KIF23: variants seen among roughly 807,000 people sequenced by gnomAD.
The protein encoded by KIF23 is kinesin-like protein KIF23.
In KIF23, 30 loss-of-function variants were observed where a neutral mutation model predicts 137.5. The observed-to-expected ratio is 0.22, with a 90% CI of 0.16 to 0.30. The LOEUF is 0.30. Ranked by LOEUF, KIF23 falls within the 10% of genes least tolerant of loss-of-function variation. The pLI is 1.00. For synonymous variants in KIF23, 367 were observed against 391.1 expected (o/e 0.94, Z 0.73); for missense variants, 920 against 1,194.3 (o/e 0.77, Z 3.38).
chr15:69,417,654 G>A, intron 3 of KIF23, 143 bp downstream of exon 3: 2 of 909,726 alleles, frequency 2.2e-6, no homozygotes, highest in Non-Finnish European at 1.6e-6. Flanking sequence ...TGTATCTAAA[G>A]TGTTTTTGAC....
intron 3 of KIF23, 148 bp from the exon 4 acceptor site, chr15:69,421,498 TA>T (rs2057055014): frequency 1.8e-6 from 1 of 547,848 alleles, no homozygotes; most frequent in South Asian, 2.9e-5. Context: ...ACTAAATAAC[TA>T]AGGGTTCCAA....
intron 11 of KIF23, chr15:69,434,692 G>A: frequency 6.8e-7 from 1 of 1,468,722 alleles, no homozygotes. Context: ...TTGACCTTGA[G>A]CCAGAGCCTC....
chr15:69,417,401 C>T lies in KIF23; in HGVS notation c.100C>T (p.Pro34Ser). The T allele has an allele frequency of 6.2e-7, 1 of 1,610,984 alleles. No homozygotes were observed. The highest frequency in any genetic ancestry group is 1.7e-5 in the Admixed American group (1 of 59,426). Residue 34 changes from proline (P) to serine (S), a missense_variant, in exon 3 of 24, where the codon CCA (proline) becomes TCA (serine). Physicochemically the swap from Pro to Ser is moderately conservative, Grantham distance 74. Around this residue, in one of 4 missense-constraint regions of KIF23, gnomAD observed 124 missense variants for 122.0 expected, o/e 1.02. Coordinates refer to ENST00000679126, the MANE Select transcript of KIF23 (RefSeq NM_001367805.3). ...DPVGVYCRVRPLGFPDQECCI... is the reference protein window; with the variant it reads ...DPVGVYCRVRSLGFPDQECCI... Reference sequence around the variant, plus strand: ...TCTTCAGGTATACTGTAGGGTGCGCCCACTGGGCTTTCCTGATCAAGAGTG... The same window carrying T: ...TCTTCAGGTATACTGTAGGGTGCGCTCACTGGGCTTTCCTGATCAAGAGTG...
chr15:69,439,826 C>A, intron 16 of KIF23, 78 bp from the exon 17 acceptor site: 1 of 1,110,584 alleles, frequency 9.0e-7, no homozygotes, highest in Non-Finnish European at 1.2e-6. Flanking sequence ...CTTGCATAAG[C>A]AAATTAAGGA....
rs1042610514 is a variant in KIF23 at position 69,444,894 on chromosome 15, G to A, written c.2526G>A (p.Met842Ile). 2 of 1,614,018 alleles carry A rather than the reference G, an allele frequency of 1.2e-6. No homozygotes were observed. The highest frequency in any genetic ancestry group is 1.7e-5 in the Admixed American group (1 of 59,994). ...RWVDHKPASN[M>I]QTETVMQPHV... ...TAGATCATAAGCCCGCCTCTAACATGCAAACTGAAACAGTCATGCAGCCAC... is the reference window on the plus strand; with the variant it reads ...TAGATCATAAGCCCGCCTCTAACATACAAACTGAAACAGTCATGCAGCCAC... The change falls in exon 20 of 24, where the codon ATG becomes ATA. Residue 842 changes from methionine (M) to isoleucine (I), a missense_variant. Physicochemically the swap from Met to Ile is conservative, Grantham distance 10. Transcript: ENST00000679126. The surrounding 1 kb of genome is among the most constrained non-coding windows in gnomAD (Gnocchi z 4.2).
At position 69,434,954 on chromosome 15, in the gene KIF23, C is replaced by T. The variant is rs111566235; in HGVS notation, c.1115-529C>T. The stretch of plus-strand genomic sequence containing the variant: ...AGCTGTACGCGGGCATGAGGATGGG[C>T]GAGCCCTCAGGTGTGTAGGCCGTGG... On this transcript the variant is annotated intron_variant, in intron 11 of 23. Transcript: ENST00000679126. 667 of 649,876 alleles carry T rather than the reference C, an allele frequency of 1.0e-3. 7 individuals carry two copies. The highest frequency in any genetic ancestry group is 5.8e-3 in the South Asian group (304 of 52,236). 40.3% of individuals were successfully genotyped at this position (649,876 alleles called of 1,614,324 possible).
At position 69,438,383 on chromosome 15, in the gene KIF23, A is replaced by G. The variant is rs2057532222; in HGVS notation, c.1733A>G (p.Lys578Arg). The G allele has an allele frequency of 6.2e-7, 1 of 1,607,088 alleles. No homozygotes were observed. The highest frequency in any genetic ancestry group is 1.1e-5 in the South Asian group (1 of 89,562). Residue 578 changes from lysine (K) to arginine (R), a missense_variant, in exon 16 of 24, where the codon AAA becomes AGA. Lys to Arg is a conservative substitution (Grantham distance 26, BLOSUM62 2). Coordinates refer to ENST00000679126, the MANE Select transcript of KIF23 (RefSeq NM_001367805.3). ...TTGGAAATAGAACGACTGGAAAAGA[A>G]AAACAAAACTTTAGAATATAAGGTT... is the stretch of plus-strand genomic sequence containing the variant. ...QKLEIERLEKKNKTLEYKIEI... is the reference protein window; with the variant it reads ...QKLEIERLEKRNKTLEYKIEI...
intron 14 of KIF23, 81 bp from the exon 15 acceptor site, chr15:69,436,483 G>A (rs982816902): frequency 7.8e-7 from 1 of 1,274,374 alleles, no homozygotes; most frequent in South Asian, 1.5e-5. Context: ...TTGCACTGGG[G>A]CTGTATGCAG....
At chr15:69,426,043 G>T in intron 8 of KIF23, 27 bp from the exon 9 acceptor site, 1 of 1,425,314 alleles carries the variant, frequency 7.0e-7, no homozygotes, top group South Asian at 1.4e-5. Context: ...TAATTTAGGA[G>T]ACTAATCTTT....
rs185945069 is a variant in KIF23, at chr15:69,419,074, G to A, written c.210+1563G>A. 1.9e-4 allele frequency among the ~76,000 whole-genome samples: 29 copies of A among 152,242 alleles called. No homozygotes were observed. The East Asian group carries it at 5.2e-3, about 27-fold the overall frequency. ...GGAGGTTGCAGTGAGCCGAGATCGC[G>A]CCATTGCACTCCAGCTTGGGCAACA... On this transcript the variant is annotated intron_variant, in intron 3 of 23. Transcript: ENST00000679126.
Position 69,440,808 on chromosome 15 carries a change from A to G in KIF23, c.2150A>G (p.Gln717Arg). The change falls in exon 19 of 24, where the codon CAA becomes CGA. Residue 717 changes from glutamine to arginine, a missense_variant. By Grantham distance (43) the Gln-to-Arg change is conservative. This residue lies in a region of KIF23 where 714 missense variants were observed against 866.2 expected (regional missense o/e 0.82). Transcript: ENST00000679126. Reference protein sequence around the residue: ...NYIAQISNGQQLMSQPQLHRR... With the variant: ...NYIAQISNGQRLMSQPQLHRR... Reference sequence around the variant, plus strand: ...ATTGCTCAGATTTCCAACGGCCAGCAACTCATGAGCCAGCCACAGCTACAT... The same window carrying G: ...ATTGCTCAGATTTCCAACGGCCAGCGACTCATGAGCCAGCCACAGCTACAT... 2 of 1,612,858 alleles carry G rather than the reference A, an allele frequency of 1.2e-6. No individual in the cohort carries two copies. The highest frequency in any genetic ancestry group is 1.7e-6 in the Non-Finnish European group (2 of 1,179,974).
intron 6 of KIF23, 75 bp from the exon 7 acceptor site, chr15:69,423,084 C>A: frequency 1.0e-6 from 1 of 982,516 alleles, no homozygotes; most frequent in Non-Finnish European, 1.6e-6. Context: ...TAGCTGTGAG[C>A]CACCATGCCC....
intron 3 of KIF23, among the ~76,000 whole-genome samples, chr15:69,419,563 G>T (rs919512138): frequency 3.9e-5 from 6 of 152,074 alleles, no homozygotes; most frequent in African/African-American, 1.4e-4. Flanking sequence ...ACCTCCTCGG[G>T]TTGTATAGAC....
intron 11 of KIF23, chr15:69,435,155 G>A (rs2057448047): frequency 2.2e-6 from 1 of 458,166 alleles, no homozygotes; most frequent in Non-Finnish European, 3.8e-6. Context: ...TTAATATGAG[G>A]ATATTAAACA....
chr15:69,435,734 G>C lies in KIF23; in HGVS notation c.1277G>C (p.Cys426Ser). 1 of 1,614,216 alleles carries C rather than the reference G, an allele frequency of 6.2e-7. No individual in the cohort carries two copies. The highest frequency in any genetic ancestry group is 8.5e-7 in the Non-Finnish European group (1 of 1,180,038). ...GAAGGAAAAGTGCGGATGATCGTGT[G>C]TGTGAACCCCAAGGCTGAAGATTAT... The part of the protein sequence containing the change: ...DGEGKVRMIV[C>S]VNPKAEDYEE... The change falls in exon 13 of 24, where the codon TGT becomes TCT. Residue 426 changes from cysteine to serine, a missense_variant. Transcript: ENST00000679126.
chr15:69,429,203 A>C lies in KIF23; in HGVS notation c.1104A>C (p.Leu368Phe). ...TNRTRAEGNR[L>F]REAGNINQSL... ...GGACCAGAGCAGAAGGGAACAGATT[A>C]CGTGAAGCTGGTGAGTAAAGCATGG... Residue 368 changes from leucine (L) to phenylalanine (F), a missense_variant, in exon 11 of 24, where the codon TTA becomes TTC. Coordinates refer to ENST00000679126, the MANE Select transcript of KIF23 (RefSeq NM_001367805.3). The C allele has an allele frequency of 6.2e-7, 1 of 1,609,660 alleles. No individual in the cohort carries two copies. The highest frequency in any genetic ancestry group is 8.5e-7 in the Non-Finnish European group (1 of 1,177,014).
intron 22 of KIF23, chr15:69,446,629 C>A (rs530289250): frequency 3.2e-6 from 2 of 616,796 alleles, no homozygotes; most frequent in Admixed American, 2.8e-5. Context: ...GCCACCAACT[C>A]TCTTTGCAAA....
Position 69,436,154 on chromosome 15 carries a change from C to T in KIF23, c.1331C>T (p.Ala444Val), listed in dbSNP as rs372578227. Reference protein sequence around the residue: ...YEENLQVMRFAEVTQEVEVAR... With the variant: ...YEENLQVMRFVEVTQEVEVAR... Reference sequence around the variant, plus strand: ...GTGTTTTAGCAAGTCATGAGATTTGCGGAAGTGACTCAAGAAGTTGAAGTA... The same window carrying T: ...GTGTTTTAGCAAGTCATGAGATTTGTGGAAGTGACTCAAGAAGTTGAAGTA... The change falls in exon 14 of 24, where the codon GCG becomes GTG. Residue 444 changes from alanine (A) to valine (V), a missense_variant. Ala to Val is a moderately conservative substitution (Grantham distance 64). Transcript: ENST00000679126. The T allele has an allele frequency of 7.4e-6, 12 of 1,612,786 alleles. No individual in the cohort carries two copies. Among genetic ancestry groups the T allele is most frequent in the South Asian group, 3.3e-5 (3 of 90,928 alleles).
rs1163774497 is a variant in KIF23, at chr15:69,444,669, T to A, written c.2422-121T>A. The A allele has an allele frequency of 2.1e-6, 2 of 971,312 alleles. No homozygotes were observed. The highest frequency in any genetic ancestry group is 5.2e-5 in the East Asian group (2 of 38,282). The allele number at this position is 971,312 out of a possible 1,614,324, so 60.2% of individuals were successfully genotyped here. On this transcript the variant is annotated intron_variant, in intron 19 of 23. Coordinates refer to ENST00000679126, the MANE Select transcript of KIF23 (RefSeq NM_001367805.3). The surrounding 1 kb of genome is among the most constrained non-coding windows in gnomAD (Gnocchi z 4.2). ...AATGCAAAGATCATGTTTAAATTAC[T>A]TGAATAAAATATTTAGCTTTGGAAA...
Sources: gnomAD v4.1 joint callset for allele counts (sites outside exome capture counted in the v4.1 genomes callset) on GRCh38, gnomAD v4.1.1 for gene constraint, gnomAD v4.1.1 regional missense constraint, Gnocchi (gnomAD v3.1) non-coding constraint, MANE v1.5 for transcripts, NCBI Gene and HGNC (gene_info 2026-07-23, HGNC 2026-07-21) for gene names.